Variants in ASIC2 observed in about 807,000 individuals in gnomAD.
The protein encoded by ASIC2 is acid sensing ion channel subunit 2, also known as acid-sensing ion channel 2.
Under a neutral mutation model 57.3 loss-of-function variants are expected in ASIC2, and 25 were observed. That is an observed-to-expected ratio of 0.44 (90% CI 0.32 to 0.61). The LOEUF (loss-of-function observed/expected upper bound fraction) is 0.61. Among genes scored for constraint, ASIC2 ranks in the 20% least tolerant of loss-of-function variants. The pLI is 0.06. For missense variants in ASIC2, 641 were observed against 738.1 expected (o/e 0.87, Z 1.52); for synonymous variants, 319 against 307.5 (o/e 1.04, Z -0.39).
rs28933 is a variant in ASIC2 at position 33,013,664 on chromosome 17, C to T, written c.*301G>A. On this transcript the variant is annotated 3_prime_UTR_variant, in exon 10 of 10. Transcript: ENST00000225823. ...CAAGACAGACGTGGAGGTGGCGCCA[C>T]AAGAAGTCTGAGCATGCAGGTGCTT... 159,263 of 393,850 alleles carry T rather than the reference C, an allele frequency of 0.4. 36,273 individuals carry two copies. Among genetic ancestry groups the T allele is most frequent in the African/African-American group, 0.72 (36,127 of 49,922 alleles). The allele number at this position is 393,850 out of a possible 1,614,324, so 24.4% of individuals were successfully genotyped here.
intron 1 of ASIC2, among the ~76,000 whole-genome samples, chr17:33,411,022 A>T (rs1910639697): frequency 6.6e-6 from 1 of 152,240 alleles, no homozygotes. Flanking sequence ...AATGAAGGAT[A>T]AGCCAATGAA....
chr17:33,733,679 A>C (rs1253472845), intron 1 of ASIC2, among the ~76,000 whole-genome samples: 3 of 152,142 alleles, frequency 2.0e-5, no homozygotes, highest in Non-Finnish European at 1.5e-5. Context: ...CCTGCCTGCC[A>C]CTGCTAAGAA....
intron 1 of ASIC2, among the ~76,000 whole-genome samples, chr17:33,135,870 A>G (rs2092365099): frequency 6.6e-6 from 1 of 152,270 alleles, no homozygotes. Flanking sequence ...CCTCCAAGCC[A>G]GTGAGCTGGA....
At chr17:33,934,951 C>G (rs1916027831) in intron 1 of ASIC2, among the ~76,000 whole-genome samples, 1 of 152,202 alleles carries the variant, frequency 6.6e-6, no homozygotes, top group Non-Finnish European at 1.5e-5. Context: ...CTGGAAAGGT[C>G]CTCATACATA....
intron 3 of ASIC2, among the ~76,000 whole-genome samples, chr17:33,034,312 C>T (rs1293387995): frequency 6.6e-6 from 1 of 152,126 alleles, no homozygotes; most frequent in Non-Finnish European, 1.5e-5. Flanking sequence ...CCCTAGAGAT[C>T]CTGTAACAAT....
chr17:33,464,525 T>G (rs1567621105), intron 1 of ASIC2, among the ~76,000 whole-genome samples: 1 of 35,240 alleles, frequency 2.8e-5, no homozygotes, highest in Non-Finnish European at 6.4e-5. Context: ...TCTTTCTTTC[T>G]TTCTTTCTTT....
intron 1 of ASIC2, among the ~76,000 whole-genome samples, chr17:33,589,304 A>G (rs1401932158): frequency 1.3e-5 from 2 of 152,216 alleles, no homozygotes; most frequent in Non-Finnish European, 2.9e-5. Flanking sequence ...AGCTTTCAGA[A>G]GGCCATGAGC....
intron 1 of ASIC2, among the ~76,000 whole-genome samples, chr17:33,398,593 T>C (rs1300762182): frequency 1.3e-5 from 2 of 152,058 alleles, no homozygotes; most frequent in East Asian, 3.9e-4. Context: ...GTGGTGATGA[T>C]GATGATGATG....
intron 1 of ASIC2, among the ~76,000 whole-genome samples, chr17:34,007,360 G>A (rs1488249410): frequency 1.3e-5 from 2 of 152,202 alleles, no homozygotes; most frequent in Admixed American, 6.5e-5. Flanking sequence ...CCCTGGGGAG[G>A]TGAATGTGCT....
intron 1 of ASIC2, among the ~76,000 whole-genome samples, chr17:33,743,869 C>T (rs1180936870): frequency 6.6e-6 from 1 of 152,170 alleles, no homozygotes; most frequent in African/African-American, 2.4e-5. Context: ...CCTGTCTCTG[C>T]CTATAGGACA....
intron 1 of ASIC2, among the ~76,000 whole-genome samples, chr17:33,337,503 T>C (rs925295179): frequency 6.6e-6 from 1 of 152,222 alleles, no homozygotes; most frequent in African/African-American, 2.4e-5. Flanking sequence ...TTTCCTTTAC[T>C]TCTTTGAGCC....
intron 1 of ASIC2, among the ~76,000 whole-genome samples, chr17:33,276,590 T>C (rs7209729): frequency 0.34 from 51,148 of 152,166 alleles, 8,764 homozygotes; most frequent in Admixed American, 0.42. Context: ...AGCAGAAATA[T>C]CTAGCAGCTC....
In ASIC2 at chr17:33,720,600, A is replaced by G. The variant is rs185510434; in HGVS notation, c.555+435378T>C. On this transcript the variant is annotated intron_variant, in intron 1 of 9. Transcript: ENST00000359872. ...TACCACAAGTACTCAAGAGTAGCCT[A>G]CTGAATGAAAAAATAAAGAAACATA... Among the ~76,000 whole-genome samples, 180 of 152,338 alleles carry G rather than the reference A, an allele frequency of 1.2e-3. 1 individual carries two copies. The Middle Eastern group carries it at 0.024, about 20-fold the overall frequency.
At chr17:33,889,542 A>C (rs1265260825) in intron 1 of ASIC2, among the ~76,000 whole-genome samples, 1 of 150,104 alleles carries the variant, frequency 6.7e-6, no homozygotes, top group Non-Finnish European at 1.5e-5. Context: ...CATGGAAAAC[A>C]ATTCTCTCAG....
intron 1 of ASIC2, among the ~76,000 whole-genome samples, chr17:33,580,644 G>T (rs1260043500): frequency 6.6e-6 from 1 of 151,988 alleles, no homozygotes; most frequent in African/African-American, 2.4e-5. Flanking sequence ...AAGACTCAAT[G>T]ACCCCAGCTC....
intron 1 of ASIC2, among the ~76,000 whole-genome samples, chr17:33,880,568 A>C (rs1235559051): frequency 6.6e-6 from 1 of 152,206 alleles, no homozygotes. Flanking sequence ...AAGAAGTTGA[A>C]TCTCTGAATA....
rs944998953 is a variant in ASIC2, at chr17:33,901,258, G to A, written c.555+254720C>T. On this transcript the variant is annotated intron_variant, in intron 1 of 9. Transcript: ENST00000359872. ...TCACTCCCTCCTAACTTCTGGGATTGTAGTAGCAGCAGTGGCCACAGCAGG... is the reference window on the plus strand; with the variant it reads ...TCACTCCCTCCTAACTTCTGGGATTATAGTAGCAGCAGTGGCCACAGCAGG... Among the ~76,000 whole-genome samples, 10 of 152,244 alleles carry A rather than the reference G, an allele frequency of 6.6e-5. No individual in the cohort carries two copies. The South Asian group carries it at 2.1e-3, about 32-fold the overall frequency.
intron 1 of ASIC2, among the ~76,000 whole-genome samples, chr17:33,255,868 AT>A (rs1177331071): frequency 6.6e-6 from 1 of 152,198 alleles, no homozygotes; most frequent in African/African-American, 2.4e-5. Flanking sequence ...ATTATCTTAA[AT>A]TTAGGGAAAA....
intron 1 of ASIC2, among the ~76,000 whole-genome samples, chr17:33,753,242 T>G (rs900741624): frequency 6.6e-6 from 1 of 152,070 alleles, no homozygotes; most frequent in Non-Finnish European, 1.5e-5. Context: ...CTATATGACA[T>G]TCTGGAAAAG....
Sources: gnomAD v4.1 joint callset for allele counts (sites outside exome capture counted in the v4.1 genomes callset) on GRCh38, gnomAD v4.1.1 for gene constraint, MANE v1.5 for transcripts, NCBI Gene and HGNC (gene_info 2026-07-23, HGNC 2026-07-21) for gene names.